Variants in NUP210L observed in about 807,000 individuals in gnomAD.
The protein encoded by NUP210L is nucleoporin 210 like, also known as nuclear pore membrane glycoprotein 210-like.
NUP210L carries 74 observed loss-of-function variants against 208.5 expected under a neutral mutation model. The ratio of observed to expected loss-of-function variants is 0.35; its 90% CI spans 0.29 to 0.43. The LOEUF is 0.43. Ranked by LOEUF, NUP210L falls within the 20% of genes least tolerant of loss-of-function variation. NUP210L has a pLI of 1.00. For missense variants in NUP210L, 1,843 were observed against 2,289.4 expected (o/e 0.81, Z 3.98); for synonymous variants, 780 against 816.9 (o/e 0.95, Z 0.77).
At chr1:154,089,398 T>C in intron 16 of NUP210L, 23 bp downstream of exon 16, 4 of 1,598,402 alleles carry the variant, frequency 2.5e-6, no homozygotes, top group Non-Finnish European at 3.4e-6. Flanking sequence ...GCCAACTTAG[T>C]TGGAAACATA....
intron 16 of NUP210L, among the ~76,000 whole-genome samples, chr1:154,075,054 T>G (rs1055553729): frequency 2.6e-5 from 4 of 152,208 alleles, no homozygotes; most frequent in Non-Finnish European, 5.9e-5. Context: ...AGCACTTCTT[T>G]GCTTTCTAAC....
At position 154,130,992 on chromosome 1, in the gene NUP210L, C is replaced by T. The variant is rs192859422; in HGVS notation, c.1010-1647G>A. On this transcript the variant is annotated intron_variant, in intron 7 of 39. Transcript: ENST00000368559. ...ATAACATATAAGAGCTAGGGCCGGG[C>T]GTCGTGAATCACGCCTGTAATCTCA... Among the ~76,000 whole-genome samples, 7 of 152,016 alleles carry T rather than the reference C, an allele frequency of 4.6e-5. No homozygotes were observed. In the East Asian group the frequency reaches 1.2e-3, roughly 25 times the overall value.
chr1:154,046,003 T>C (rs1332726688), intron 27 of NUP210L, 66 bp downstream of exon 27: 26 of 1,437,020 alleles, frequency 1.8e-5, no homozygotes, highest in Non-Finnish European at 2.3e-5. Context: ...AAGAAACTTA[T>C]GATAAATTAA....
chr1:153,999,350 G>A (rs1254746377), intron 37 of NUP210L, among the ~76,000 whole-genome samples: 1 of 152,196 alleles, frequency 6.6e-6, no homozygotes, highest in African/African-American at 2.4e-5. Context: ...CTGGAATCAG[G>A]ATTTGGGAAA....
intron 1 of NUP210L, 71 bp downstream of exon 1, chr1:154,154,771 C>T (rs1218191692): frequency 3.2e-6 from 4 of 1,262,140 alleles, no homozygotes; most frequent in Non-Finnish European, 4.6e-6. Context: ...TGGGATCTTA[C>T]AGAGGGAACC....
intron 16 of NUP210L, among the ~76,000 whole-genome samples, chr1:154,082,429 C>A (rs1655386123): frequency 6.6e-6 from 1 of 152,048 alleles, no homozygotes; most frequent in Non-Finnish European, 1.5e-5. Flanking sequence ...TGAAGCAAAA[C>A]CTGACAGAAT....
At chr1:154,108,717 T>C (rs1656897380) in intron 12 of NUP210L, among the ~76,000 whole-genome samples, 1 of 151,612 alleles carries the variant, frequency 6.6e-6, no homozygotes, top group Admixed American at 6.6e-5. Flanking sequence ...AAATTAAAAA[T>C]GGCAGGAGTA....
intron 6 of NUP210L, among the ~76,000 whole-genome samples, chr1:154,136,440 TA>T (rs1658551219): frequency 6.7e-6 from 1 of 149,268 alleles, no homozygotes; most frequent in Non-Finnish European, 1.5e-5. Flanking sequence ...CGACAAAGCA[TA>T]ACTCCGTCTC....
intron 12 of NUP210L, among the ~76,000 whole-genome samples, chr1:154,114,886 C>T (rs1449534049): frequency 1.3e-5 from 2 of 149,744 alleles, no homozygotes; most frequent in African/African-American, 4.9e-5. Flanking sequence ...GTGTAAGCCA[C>T]CACTCCCAGC....
chr1:154,111,869 C>T (rs1657054562), intron 12 of NUP210L, among the ~76,000 whole-genome samples: 3 of 151,656 alleles, frequency 2.0e-5, no homozygotes, highest in South Asian at 2.1e-4. Context: ...CCCTGATGAA[C>T]ATGATGGAAA....
At chr1:154,084,576 T>G (rs1290148382) in intron 16 of NUP210L, among the ~76,000 whole-genome samples, 4 of 151,892 alleles carry the variant, frequency 2.6e-5, no homozygotes, top group African/African-American at 9.7e-5. Context: ...TTGCTTTATT[T>G]TTAAAAAATT....
At chr1:153,996,998 T>C (rs979085033) in intron 37 of NUP210L, among the ~76,000 whole-genome samples, 3 of 151,184 alleles carry the variant, frequency 2.0e-5, no homozygotes, top group South Asian at 4.2e-4. Context: ...AGTTTCACTC[T>C]TGTTGCCCAG....
chr1:154,093,560 G>A (rs1044203457), intron 15 of NUP210L, among the ~76,000 whole-genome samples: 2 of 152,206 alleles, frequency 1.3e-5, no homozygotes, highest in Admixed American at 1.3e-4. Context: ...AACCTATGTA[G>A]TGAGCTACGA....
chr1:153,995,915 A>G, intron 37 of NUP210L: 1 of 530,954 alleles, frequency 1.9e-6, no homozygotes, highest in South Asian at 1.5e-5. Flanking sequence ...AGGAGCAGAA[A>G]ATTGTTGTGA....
chr1:154,058,720 T>A, intron 20 of NUP210L, 27 bp from the exon 21 acceptor site: 1 of 1,609,226 alleles, frequency 6.2e-7, no homozygotes, highest in Non-Finnish European at 8.5e-7. Context: ...GGTAGCTGGA[T>A]AAAGAAGCAA....
chr1:154,116,428 A>G (rs771650892), intron 12 of NUP210L, among the ~76,000 whole-genome samples: 5 of 133,176 alleles, frequency 3.8e-5, no homozygotes, highest in Non-Finnish European at 6.3e-5. Flanking sequence ...CATCTCAGGG[A>G]AAAAAAAAAA....
chr1:153,994,794 A>T (rs1028103242), intron 38 of NUP210L, among the ~76,000 whole-genome samples: 116 of 151,174 alleles, frequency 7.7e-4, no homozygotes, highest in Middle Eastern at 3.4e-3. Flanking sequence ...CGGGTGGATC[A>T]CGAGGTCAGG....
chr1:154,112,683 C>T (rs149720038), intron 12 of NUP210L, among the ~76,000 whole-genome samples: 6 of 151,702 alleles, frequency 4.0e-5, no homozygotes, highest in Non-Finnish European at 7.4e-5. Flanking sequence ...TAGGGAGACC[C>T]TGTCTCTAAA....
intron 33 of NUP210L, among the ~76,000 whole-genome samples, chr1:154,015,539 G>A (rs1411496956): frequency 2.6e-5 from 4 of 151,928 alleles, no homozygotes; most frequent in Non-Finnish European, 5.9e-5. Context: ...TGGCCAACAT[G>A]GTGAAACCCT....
Sources: allele counts gnomAD v4.1 joint callset (sites outside exome capture counted in the v4.1 genomes callset), GRCh38; gene constraint gnomAD v4.1.1; transcripts MANE v1.5; gene names NCBI Gene and HGNC (gene_info 2026-07-23, HGNC 2026-07-21).